TAF4: variants seen among roughly 807,000 people sequenced by gnomAD.
TAF4 encodes the protein transcription initiation factor TFIID subunit 4.
In TAF4, 9 loss-of-function variants were observed where a neutral mutation model predicts 90.3. The ratio of observed to expected loss-of-function variants is 0.10; its 90% confidence interval spans 0.06 to 0.17. TAF4 has a LOEUF of 0.17. Ranked by LOEUF, TAF4 falls within the 10% of genes least tolerant of loss-of-function variation. The probability of loss-of-function intolerance (pLI) is 1.00; values close to 1 mark genes in which losing one functional copy is unlikely to be tolerated. For synonymous variants in TAF4, 818 were observed against 638.9 expected, an observed-to-expected ratio of 1.28 and a Z score of -4.23; for missense variants, 1,351 against 1,370.7, an observed-to-expected ratio of 0.99 and a Z score of 0.23.
intron 1 of TAF4, among the ~76,000 whole-genome samples, chr20:62,035,399 C>CG (rs891812300): frequency 1.4e-4 from 22 of 152,250 alleles, no homozygotes; most frequent in Middle Eastern, 6.8e-3. Flanking sequence ...AGGCTAGAAA[C>CG]GGATGCCACA....
In TAF4 at chr20:62,014,032, G is replaced by GTGTGTGTGTA. The variant is rs1555875785; in HGVS notation, c.1521+514_1521+515insTACACACACA. On this transcript the variant is annotated intron_variant, in intron 2 of 14. Coordinates refer to ENST00000252996, the MANE Select transcript of TAF4 (RefSeq NM_003185.4). ...CGCGGGGGTGTGGGTGTGTGTGTGT[G>GTGTGTGTGTA]TGTGTGTGTGTGTATGTGTGTGTGT... 4.5e-4 allele frequency among the ~76,000 whole-genome samples: 65 copies of GTGTGTGTGTA among 145,228 alleles called. 1 individual carries two copies. The East Asian group carries it at 0.016, about 35-fold the overall frequency.
chr20:62,034,315 A>C (rs901902266), intron 1 of TAF4, among the ~76,000 whole-genome samples: 13 of 152,194 alleles, frequency 8.5e-5, no homozygotes, highest in Admixed American at 3.9e-4. Flanking sequence ...AAGAAGAATT[A>C]GAAAACGCAA....
At chr20:61,987,364 C>T (rs954627058) in intron 14 of TAF4, among the ~76,000 whole-genome samples, 1 of 152,080 alleles carries the variant, frequency 6.6e-6, no homozygotes, top group Non-Finnish European at 1.5e-5. Flanking sequence ...GAAAGGACGT[C>T]GAGGACACTG....
intron 1 of TAF4, among the ~76,000 whole-genome samples, chr20:62,062,149 A>C (rs2056092301): frequency 6.6e-6 from 1 of 152,228 alleles, no homozygotes; most frequent in South Asian, 2.1e-4. Context: ...TGCAAGACTG[A>C]GTTGTAATGA....
At chr20:62,034,184 T>C (rs950929590) in intron 1 of TAF4, among the ~76,000 whole-genome samples, 1 of 152,160 alleles carries the variant, frequency 6.6e-6, no homozygotes, top group Admixed American at 6.5e-5. Flanking sequence ...TTGTCATTAA[T>C]TGCATGTAAT....
rs929128806 is a variant in TAF4 at position 62,015,254 on chromosome 20, C to G, written c.1361-547G>C. Among the ~76,000 whole-genome samples, 38 of 152,246 alleles carry G rather than the reference C, an allele frequency of 2.5e-4. 1 individual carries two copies. Among genetic ancestry groups the G allele is most frequent in the Non-Finnish European group, 1.5e-5 (1 of 68,040 alleles). ...AGGGCAGTGCTGCCCCCACACTGCC[C>G]TGACAACCACAACACAGGCGCAGAT... is the stretch of plus-strand genomic sequence containing the variant. On this transcript the variant is annotated intron_variant, in intron 1 of 14. Transcript: ENST00000252996.
chr20:62,008,849 AACACCCAGCCCCAGG>A (rs1274172096), intron 5 of TAF4, 188 bp downstream of exon 5: 1 of 571,332 alleles, frequency 1.8e-6, no homozygotes, highest in African/African-American at 1.9e-5. Context: ...CCGGCCCCAG[AACACCCAGCCCCAGG>A]AAGGAGTCTC....
intron 6 of TAF4, 48 bp downstream of exon 6, chr20:62,007,498 AC>A: frequency 6.4e-7 from 1 of 1,572,452 alleles, no homozygotes; most frequent in Non-Finnish European, 8.7e-7. Context: ...TCTGCGCCCC[AC>A]CCCTCCCTGG....
chr20:61,976,469 A>C, intron 14 of TAF4, 134 bp from the exon 15 acceptor site: 1 of 1,035,576 alleles, frequency 9.7e-7, no homozygotes, highest in Non-Finnish European at 1.4e-6. Context: ...CGGTAGGCCC[A>C]CAGCTGGAGC....
At chr20:62,053,808 T>C (rs1480379189) in intron 1 of TAF4, among the ~76,000 whole-genome samples, 1 of 152,198 alleles carries the variant, frequency 6.6e-6, no homozygotes, top group African/African-American at 2.4e-5. Flanking sequence ...ACACAGACAA[T>C]GACCAAGTCT....
chr20:62,030,200 C>T (rs925976989), intron 1 of TAF4, among the ~76,000 whole-genome samples: 10 of 152,226 alleles, frequency 6.6e-5, no homozygotes, highest in African/African-American at 2.2e-4. Flanking sequence ...CAGGCAGGGA[C>T]GCCAACGAGC....
chr20:61,997,553 T>C lies in TAF4; in HGVS notation c.3087A>G (p.Ala1029=). The C allele has an allele frequency of 6.3e-7, 1 of 1,596,982 alleles. No individual in the cohort carries two copies. Among genetic ancestry groups the C allele is most frequent in the Non-Finnish European group, 8.5e-7 (1 of 1,173,110 alleles). The change falls in exon 14 of 15, where the codon GCA becomes GCG. Residue 1029 remains alanine, a synonymous_variant. Transcript: ENST00000252996. Reference sequence around the variant, plus strand: ...CGATCCCACAACACTGCCGTACCTCTGCTCCTGAGCCCGGCCCCGGACAGT... The same window carrying C: ...CGATCCCACAACACTGCCGTACCTCCGCTCCTGAGCCCGGCCCCGGACAGT... ...KVDCPGPGSG[A]EGSGPGSVVP...
intron 1 of TAF4, among the ~76,000 whole-genome samples, chr20:62,036,767 C>T (rs575530675): frequency 4.9e-4 from 74 of 152,338 alleles, no homozygotes; most frequent in Non-Finnish European, 8.2e-4. Flanking sequence ...AAAATTCTCA[C>T]CAAACTAGGA....
intron 1 of TAF4, among the ~76,000 whole-genome samples, chr20:62,031,291 C>T (rs1456865493): frequency 6.6e-6 from 1 of 152,212 alleles, no homozygotes; most frequent in African/African-American, 2.4e-5. Context: ...AGGCACCGCA[C>T]ACCTTGAGGC....
At chr20:62,032,005 C>T (rs1207111724) in intron 1 of TAF4, among the ~76,000 whole-genome samples, 1 of 152,202 alleles carries the variant, frequency 6.6e-6, no homozygotes, top group Non-Finnish European at 1.5e-5. Flanking sequence ...CTCAGAGCTC[C>T]CCCGCAGCAC....
Position 61,977,092 on chromosome 20 carries a change from G to A in TAF4, c.3091-757C>T, listed in dbSNP as rs1442524183. The stretch of plus-strand genomic sequence containing the variant: ...GGGCACACGCCACACACACGACACC[G>A]CCCAGCGGGGCACGCGCCACACACA... On this transcript the variant is annotated intron_variant, in intron 14 of 14. Coordinates refer to ENST00000252996, the MANE Select transcript of TAF4 (RefSeq NM_003185.4). Among the ~76,000 whole-genome samples, 15 of 138,648 alleles carry A rather than the reference G, an allele frequency of 1.1e-4. 1 individual carries two copies. Among genetic ancestry groups the A allele is most frequent in the Admixed American group, 7.9e-4 (11 of 13,852 alleles). The allele number at this position is 138,648 out of a possible 152,430, so 91.0% of individuals were successfully genotyped here.
intron 9 of TAF4, among the ~76,000 whole-genome samples, chr20:62,001,154 T>C (rs1001562352): frequency 1.3e-5 from 2 of 152,130 alleles, no homozygotes; most frequent in African/African-American, 4.8e-5. Context: ...AACCTGACTT[T>C]CCTCCACCCG....
intron 1 of TAF4, among the ~76,000 whole-genome samples, chr20:62,042,468 T>A (rs1434361885): frequency 2.0e-5 from 3 of 151,678 alleles, no homozygotes; most frequent in African/African-American, 7.2e-5. Flanking sequence ...GTCGCCTGAC[T>A]CTCTGCTGAG....
chr20:61,996,246 G>A (rs1386715625), intron 14 of TAF4, among the ~76,000 whole-genome samples: 18 of 152,084 alleles, frequency 1.2e-4, no homozygotes, highest in Admixed American at 1.2e-3. Flanking sequence ...GCCAGGCATG[G>A]TGGCACGCAC....
Sources: allele counts gnomAD v4.1 joint callset (sites outside exome capture counted in the v4.1 genomes callset), GRCh38; gene constraint gnomAD v4.1.1; transcripts MANE v1.5; gene names NCBI Gene and HGNC (gene_info 2026-07-23, HGNC 2026-07-21).